The following TCF4 variants were observed in gnomAD, a reference collection of about 807,000 sequenced individuals.
TCF4 encodes transcription factor 4.
Under a neutral mutation model 82.1 loss-of-function variants are expected in TCF4, and 3 were observed. The ratio of observed to expected loss-of-function variants is 0.04; its 90% CI spans 0.02 to 0.09. TCF4 has a LOEUF of 0.09. TCF4 is among the 10% of genes least tolerant of loss of function. The pLI is 1.00. For synonymous variants in TCF4, 276 were observed against 309.6 expected (o/e 0.89, Z 1.14); for missense variants, 518 against 852.7 (o/e 0.61, Z 4.89).
intron 3 of TCF4, among the ~76,000 whole-genome samples, chr18:55,529,197 A>T (rs2097029151): frequency 6.6e-6 from 1 of 152,176 alleles, no homozygotes; most frequent in South Asian, 2.1e-4. Flanking sequence ...AAACAAAACA[A>T]AACAAAGCAA....
intron 5 of TCF4, among the ~76,000 whole-genome samples, chr18:55,408,764 G>A (rs191071617): frequency 6.6e-6 from 1 of 151,968 alleles, no homozygotes; most frequent in African/African-American, 2.4e-5. Flanking sequence ...CTGGCAGTTT[G>A]TTTGCCCAGA....
intron 10 of TCF4, among the ~76,000 whole-genome samples, chr18:55,275,045 G>C (rs1055604749): frequency 6.6e-6 from 1 of 152,014 alleles, no homozygotes; most frequent in African/African-American, 2.4e-5. Flanking sequence ...GCTGGGATGG[G>C]AATTAAAGTT....
intron 3 of TCF4, among the ~76,000 whole-genome samples, chr18:55,562,169 G>C (rs2097360895): frequency 6.6e-6 from 1 of 152,152 alleles, no homozygotes; most frequent in Admixed American, 6.5e-5. Context: ...TTGCAACAGA[G>C]AGTCTGTGGT....
At chr18:55,624,173 T>C (rs1294518881) in intron 2 of TCF4, among the ~76,000 whole-genome samples, 1 of 152,136 alleles carries the variant, frequency 6.6e-6, no homozygotes, top group Non-Finnish European at 1.5e-5. Flanking sequence ...GTCATTGTTT[T>C]CATCATTAAT....
At chr18:55,418,555 G>GCTC (rs2094603121) in intron 5 of TCF4, among the ~76,000 whole-genome samples, 4 of 152,218 alleles carry the variant, frequency 2.6e-5, no homozygotes, top group African/African-American at 9.6e-5. Context: ...CAACATACAT[G>GCTC]CTCAAATGAG....
At chr18:55,419,884 T>C (rs1274746153) in intron 5 of TCF4, among the ~76,000 whole-genome samples, 1 of 152,208 alleles carries the variant, frequency 6.6e-6, no homozygotes, top group African/African-American at 2.4e-5. Flanking sequence ...ATGTTGATTT[T>C]GTTGCAACAC....
rs1186292838 is a variant in TCF4 at position 55,462,566 on chromosome 18, G to T, written c.208-1451C>A. Among the ~76,000 whole-genome samples, 3 of 152,130 alleles carry T rather than the reference G, an allele frequency of 2.0e-5. No homozygotes were observed. In the East Asian group the frequency reaches 5.8e-4, roughly 29 times the overall value. On this transcript the variant is annotated intron_variant, in intron 4 of 19. Transcript: ENST00000354452. The stretch of plus-strand genomic sequence containing the variant: ...ATATATTCCTTGAGAAAAATGGCAG[G>T]ACAGCTAACAAAAACCAAAAGCTAG...
intron 3 of TCF4, among the ~76,000 whole-genome samples, chr18:55,530,287 A>G (rs1223488474): frequency 3.3e-5 from 5 of 152,130 alleles, no homozygotes; most frequent in African/African-American, 1.2e-4. Context: ...CGTGCACTTT[A>G]GGTTTATTTG....
chr18:55,380,158 A>C (rs1298188749), intron 6 of TCF4, among the ~76,000 whole-genome samples: 1 of 152,096 alleles, frequency 6.6e-6, no homozygotes, highest in African/African-American at 2.4e-5. Context: ...CTTGGATTAC[A>C]GGTGTGAGCC....
intron 3 of TCF4, among the ~76,000 whole-genome samples, chr18:55,515,768 G>A (rs1007960129): frequency 6.6e-6 from 1 of 152,134 alleles, no homozygotes; most frequent in Admixed American, 6.6e-5. Flanking sequence ...GCTTGAAAAG[G>A]ACAGAACAAA....
chr18:55,519,998 C>T (rs1009958130), intron 3 of TCF4, among the ~76,000 whole-genome samples: 10 of 152,150 alleles, frequency 6.6e-5, no homozygotes, highest in Non-Finnish European at 1.0e-4. Context: ...CATCCCTCCA[C>T]CTTCCCATCC....
chr18:55,497,395 T>C, intron 3 of TCF4, among the ~76,000 whole-genome samples: 1 of 152,188 alleles, frequency 6.6e-6, no homozygotes, highest in Non-Finnish European at 1.5e-5. Context: ...TATATGCACA[T>C]ACATTTATCA....
chr18:55,297,523 G>C (rs1322067804), intron 8 of TCF4, among the ~76,000 whole-genome samples: 1 of 152,112 alleles, frequency 6.6e-6, no homozygotes, highest in Non-Finnish European at 1.5e-5. Context: ...CAGGGCTGAG[G>C]GAGAGGGTCT....
At chr18:55,410,004 T>C (rs17595212) in intron 5 of TCF4, among the ~76,000 whole-genome samples, 9,253 of 152,174 alleles carry the variant, frequency 0.061, 481 homozygotes, top group African/African-American at 0.14. Context: ...AAAATCTAAA[T>C]GTAAAATAAA....
Position 55,575,032 on chromosome 18 carries a change from T to C in TCF4, c.145+10248A>G, listed in dbSNP as rs562075111. ...TGGACTATCTCTCATCTTATCCCAATTCTACCAAAATTACTAAGGATTAAA... is the reference window on the plus strand; with the variant it reads ...TGGACTATCTCTCATCTTATCCCAACTCTACCAAAATTACTAAGGATTAAA... On this transcript the variant is annotated intron_variant, in intron 3 of 19. Coordinates refer to ENST00000354452, the MANE Select transcript of TCF4 (RefSeq NM_001083962.2). Among the ~76,000 whole-genome samples the C allele has an allele frequency of 3.0e-4, 46 of 152,296 alleles. No individual in the cohort carries two copies. In the South Asian group the frequency reaches 9.1e-3, roughly 30 times the overall value.
chr18:55,414,476 C>T (rs1054098384), intron 5 of TCF4, among the ~76,000 whole-genome samples: 1 of 152,076 alleles, frequency 6.6e-6, no homozygotes, highest in African/African-American at 2.4e-5. Flanking sequence ...ATCTAAACTG[C>T]CTTCTCTGTA....
intron 2 of TCF4, among the ~76,000 whole-genome samples, chr18:55,601,990 GTTTCTT>G (rs887746300): frequency 2.9e-4 from 44 of 152,056 alleles, no homozygotes; most frequent in Admixed American, 2.4e-3. Flanking sequence ...ATTTTCTTTC[GTTTCTT>G]TTTCTTTTTC....
chr18:55,598,733 A>C (rs1193425755), intron 2 of TCF4, among the ~76,000 whole-genome samples: 3 of 152,252 alleles, frequency 2.0e-5, no homozygotes, highest in Non-Finnish European at 4.4e-5. Flanking sequence ...CAGGGTTGCG[A>C]AGCAATAGAA....
At chr18:55,562,423 A>G (rs1359312123) in intron 3 of TCF4, among the ~76,000 whole-genome samples, 1 of 152,248 alleles carries the variant, frequency 6.6e-6, no homozygotes, top group African/African-American at 2.4e-5. Flanking sequence ...TATAAAATCA[A>G]ACCACGGAAA....
Sources: gnomAD v4.1 joint callset for allele counts (sites outside exome capture counted in the v4.1 genomes callset) on GRCh38, gnomAD v4.1.1 for gene constraint, MANE v1.5 for transcripts, NCBI Gene and HGNC (gene_info 2026-07-23, HGNC 2026-07-21) for gene names.